ROBO1: variants seen among roughly 807,000 people sequenced by gnomAD.
ROBO1 encodes roundabout homolog 1.
ROBO1 carries 149 observed loss-of-function variants against 195.9 expected under a neutral mutation model. The ratio of observed to expected loss-of-function variants is 0.76; its 90% confidence interval spans 0.67 to 0.87. ROBO1 has a LOEUF of 0.87. ROBO1 is among the 40% of genes least tolerant of loss of function. The pLI, the probability that ROBO1 is intolerant of heterozygous loss-of-function variation, is 0.00. For missense variants in ROBO1, 1,933 were observed against 2,068.3 expected (o/e 0.93, Z 1.27); for synonymous variants, 816 against 733.2 (o/e 1.11, Z -1.82).
chr3:78,913,026 T>C (rs1483383783), intron 4 of ROBO1, among the ~76,000 whole-genome samples: 1 of 152,140 alleles, frequency 6.6e-6, no homozygotes, highest in Non-Finnish European at 1.5e-5. Flanking sequence ...TTGATATGAT[T>C]TTTTGTTACG....
At chr3:79,491,308 G>C (rs1939443503) in intron 2 of ROBO1, among the ~76,000 whole-genome samples, 1 of 149,234 alleles carries the variant, frequency 6.7e-6, no homozygotes, top group African/African-American at 2.5e-5. Flanking sequence ...TTTCATTTTT[G>C]GCTTGCTGCT....
At chr3:79,691,663 T>A (rs894140776) in intron 1 of ROBO1, among the ~76,000 whole-genome samples, 1 of 151,878 alleles carries the variant, frequency 6.6e-6, no homozygotes, top group South Asian at 2.1e-4. Flanking sequence ...GAATTTTTTT[T>A]ATTTCTTATG....
chr3:78,928,203 G>T (rs2039318916), intron 4 of ROBO1, among the ~76,000 whole-genome samples: 2 of 152,080 alleles, frequency 1.3e-5, no homozygotes, highest in South Asian at 4.1e-4. Flanking sequence ...CTTAATGACA[G>T]AATTAATTGT....
intron 1 of ROBO1, among the ~76,000 whole-genome samples, chr3:79,683,738 T>C (rs1161202524): frequency 6.6e-6 from 1 of 152,130 alleles, no homozygotes; most frequent in Non-Finnish European, 1.5e-5. Context: ...TCACTTAGCA[T>C]GGTTTCAAGA....
chr3:78,717,438 A>G (rs772353159), intron 6 of ROBO1, 25 bp from the exon 7 acceptor site: 1 of 1,609,428 alleles, frequency 6.2e-7, no homozygotes, highest in African/African-American at 1.3e-5. Context: ...AGTCATCTTA[A>G]GGTAAAATTT....
intron 1 of ROBO1, among the ~76,000 whole-genome samples, chr3:79,712,390 A>T (rs4856287): frequency 6.6e-6 from 1 of 152,118 alleles, no homozygotes; most frequent in East Asian, 1.9e-4. Flanking sequence ...AGAAGATGAA[A>T]CAAGCCACAA....
At chr3:79,564,693 A>C (rs1943037028) in intron 2 of ROBO1, among the ~76,000 whole-genome samples, 1 of 152,078 alleles carries the variant, frequency 6.6e-6, no homozygotes, top group South Asian at 2.1e-4. Context: ...TAAAAAGCCA[A>C]GTGTGCTGTT....
chr3:79,095,324 G>A (rs958310743), intron 3 of ROBO1, among the ~76,000 whole-genome samples: 2 of 151,960 alleles, frequency 1.3e-5, no homozygotes, highest in African/African-American at 4.8e-5. Context: ...AGACTACTTG[G>A]ATTAAAAGAC....
chr3:79,643,901 T>TA (rs369706872), intron 1 of ROBO1, among the ~76,000 whole-genome samples: 31 of 151,982 alleles, frequency 2.0e-4, no homozygotes, highest in African/African-American at 6.5e-4. Flanking sequence ...ATTCTCCAAA[T>TA]AAAAAAACGT....
rs148219509 is a variant in ROBO1, at chr3:79,343,119, G to A, written c.89-217580C>T. On this transcript the variant is annotated intron_variant, in intron 2 of 30. Coordinates refer to ENST00000464233, the MANE Select transcript of ROBO1 (RefSeq NM_002941.4). ...ATACAGTATGTAGCCTTTTCAGATT[G>A]GCTTCTTCCACTTAGTAACATGAAT... Among the ~76,000 whole-genome samples the A allele has an allele frequency of 2.8e-4, 43 of 152,106 alleles. No homozygotes were observed. The East Asian group carries it at 8.3e-3, about 29-fold the overall frequency.
At chr3:78,941,914 C>G (rs982229319) in intron 3 of ROBO1, among the ~76,000 whole-genome samples, 2 of 152,148 alleles carry the variant, frequency 1.3e-5, no homozygotes, top group East Asian at 1.9e-4. Context: ...ATCATCAAGG[C>G]TGGTTTTAAA....
chr3:79,660,577 A>G (rs1394569589), intron 1 of ROBO1, among the ~76,000 whole-genome samples: 4 of 152,142 alleles, frequency 2.6e-5, no homozygotes, highest in African/African-American at 4.8e-5. Context: ...ATTATCAGCT[A>G]TAATAGTCAC....
intron 8 of ROBO1, among the ~76,000 whole-genome samples, chr3:78,698,804 C>A (rs1240873106): frequency 6.6e-6 from 1 of 152,136 alleles, no homozygotes; most frequent in East Asian, 1.9e-4. Context: ...TTGCACAATG[C>A]CTGACCTATC....
chr3:79,057,018 A>AT (rs1163024364), intron 3 of ROBO1, among the ~76,000 whole-genome samples: 2 of 152,068 alleles, frequency 1.3e-5, no homozygotes, highest in African/African-American at 4.8e-5. Flanking sequence ...ACTGTGGCAA[A>AT]TTCACTTGGC....
chr3:79,466,885 A>T (rs1203974921), intron 2 of ROBO1, among the ~76,000 whole-genome samples: 1 of 152,216 alleles, frequency 6.6e-6, no homozygotes, highest in Admixed American at 6.5e-5. Flanking sequence ...TCAGGAACTG[A>T]TTGGAATATA....
chr3:78,988,005 C>T (rs894244860), intron 3 of ROBO1, among the ~76,000 whole-genome samples: 5 of 152,008 alleles, frequency 3.3e-5, no homozygotes, highest in Admixed American at 6.6e-5. Flanking sequence ...AGTGAAAACA[C>T]ACTTGTTTTC....
chr3:78,729,401 A>G (rs1436326352), intron 5 of ROBO1, among the ~76,000 whole-genome samples: 1 of 152,178 alleles, frequency 6.6e-6, no homozygotes, highest in South Asian at 2.1e-4. Flanking sequence ...ATAAGTAATA[A>G]TAGAAAGAAG....
chr3:79,237,600 T>G (rs1344665490), intron 2 of ROBO1, among the ~76,000 whole-genome samples: 1 of 152,146 alleles, frequency 6.6e-6, no homozygotes, highest in African/African-American at 2.4e-5. Context: ...GAGAATGACC[T>G]GTGGTTTCAT....
intron 2 of ROBO1, among the ~76,000 whole-genome samples, chr3:79,344,740 G>T (rs1295889561): frequency 1.3e-5 from 2 of 151,984 alleles, no homozygotes; most frequent in Non-Finnish European, 2.9e-5. Context: ...GAGAGAGAGG[G>T]TGATATGGTT....
Sources: allele counts gnomAD v4.1 joint callset (sites outside exome capture counted in the v4.1 genomes callset), GRCh38; gene constraint gnomAD v4.1.1; transcripts MANE v1.5; gene names NCBI Gene and HGNC (gene_info 2026-07-23, HGNC 2026-07-21).